Variants in SLC30A8 observed in about 807,000 individuals in gnomAD.
SLC30A8 encodes solute carrier family 30 member 8.
SLC30A8 carries 27 observed loss-of-function variants against 36.9 expected under a neutral mutation model. The observed-to-expected ratio is 0.73, with a 90% CI of 0.54 to 1.01. SLC30A8 has a LOEUF of 1.01. SLC30A8 is among the 50% of genes least tolerant of loss of function. The pLI is 0.00. For missense variants in SLC30A8, 439 were observed against 452.0 expected, an observed-to-expected ratio of 0.97 and a Z score of 0.26; for synonymous variants, 164 against 172.4, an observed-to-expected ratio of 0.95 and a Z score of 0.38.
At chr8:117,154,001 A>G (rs1822337411) in intron 3 of SLC30A8, among the ~76,000 whole-genome samples, 1 of 152,218 alleles carries the variant, frequency 6.6e-6, no homozygotes, top group South Asian at 2.1e-4. Context: ...TAAAACAGAC[A>G]TAAATAACTT....
chr8:117,125,150 A>G (rs983367798), intron 2 of SLC30A8, among the ~76,000 whole-genome samples: 3 of 152,018 alleles, frequency 2.0e-5, no homozygotes, highest in African/African-American at 7.2e-5. Flanking sequence ...AGGTAGTTTA[A>G]TCAGAATATA....
At chr8:116,991,246 C>CT (rs992558056) in intron 1 of SLC30A8, among the ~76,000 whole-genome samples, 7 of 152,050 alleles carry the variant, frequency 4.6e-5, no homozygotes, top group Admixed American at 2.6e-4. Context: ...AGAATCTTTT[C>CT]TTTTTTGATG....
At chr8:117,141,883 G>A (rs1821669470) in intron 1 of SLC30A8, among the ~76,000 whole-genome samples, 2 of 152,118 alleles carry the variant, frequency 1.3e-5, no homozygotes, top group South Asian at 4.1e-4. Flanking sequence ...ACTTTGAAGT[G>A]GTTTATATGA....
chr8:117,100,224 G>A (rs1363300361), intron 2 of SLC30A8, among the ~76,000 whole-genome samples: 3 of 152,050 alleles, frequency 2.0e-5, no homozygotes, highest in Non-Finnish European at 4.4e-5. Context: ...AAAAATTTTA[G>A]TGGATGGGTA....
chr8:117,006,625 G>A (rs1396832669), intron 1 of SLC30A8, among the ~76,000 whole-genome samples: 4 of 152,020 alleles, frequency 2.6e-5, no homozygotes, highest in Admixed American at 2.6e-4. Flanking sequence ...TGGAAAAAGT[G>A]GGGGCAGAAC....
intron 1 of SLC30A8, among the ~76,000 whole-genome samples, chr8:116,996,985 T>A (rs1392922282): frequency 6.6e-6 from 1 of 152,152 alleles, no homozygotes; most frequent in Non-Finnish European, 1.5e-5. Context: ...TTCTTTTTTT[T>A]TTTTTTGAGA....
intron 2 of SLC30A8, among the ~76,000 whole-genome samples, chr8:117,055,294 C>T (rs1817836333): frequency 6.6e-6 from 1 of 152,122 alleles, no homozygotes; most frequent in African/African-American, 2.4e-5. Context: ...TGGCATGAGC[C>T]CAAAGGTTCT....
At chr8:117,064,336 T>C (rs1818105664) in intron 2 of SLC30A8, among the ~76,000 whole-genome samples, 1 of 152,214 alleles carries the variant, frequency 6.6e-6, no homozygotes, top group South Asian at 2.1e-4. Flanking sequence ...GAAGACTCAA[T>C]CTCTATAAGG....
In SLC30A8 at chr8:117,074,665, A is replaced by T. The variant is rs182850856; in HGVS notation, c.-226+35407A>T. 1.3e-4 allele frequency among the ~76,000 whole-genome samples: 20 copies of T among 152,312 alleles called. No individual in the cohort carries two copies. The East Asian group carries it at 3.9e-3, about 29-fold the overall frequency. On this transcript the variant is annotated intron_variant, in intron 2 of 10. Transcript: ENST00000427715. ...TCTCCTTAAATGTAATTAAAGGCAC[A>T]TCAGTTCAGTATGTCTTAAGTGATA... is the stretch of plus-strand genomic sequence containing the variant.
At chr8:117,148,375 C>A (rs1822001523) in intron 2 of SLC30A8, among the ~76,000 whole-genome samples, 1 of 151,948 alleles carries the variant, frequency 6.6e-6, no homozygotes, top group African/African-American at 2.4e-5. Flanking sequence ...AATCACTTAT[C>A]AAAACTTTAT....
intron 1 of SLC30A8, among the ~76,000 whole-genome samples, chr8:117,006,805 C>T (rs190233066): frequency 6.3e-4 from 63 of 100,066 alleles, no homozygotes; most frequent in Admixed American, 8.8e-4. Flanking sequence ...TTTTTTGAGA[C>T]GGAATCTGGC....
intron 1 of SLC30A8, among the ~76,000 whole-genome samples, chr8:117,021,505 G>A (rs1033239707): frequency 6.6e-6 from 1 of 152,158 alleles, no homozygotes; most frequent in Non-Finnish European, 1.5e-5. Flanking sequence ...ACCTAAATAT[G>A]TAGAGGAAAA....
At chr8:117,073,258 CT>C (rs35458253) in intron 2 of SLC30A8, among the ~76,000 whole-genome samples, 16,746 of 140,064 alleles carry the variant, frequency 0.12, 711 homozygotes, top group East Asian at 0.15. Flanking sequence ...ATTTCTTTCA[CT>C]TTTTTTTTTT....
At chr8:116,957,342 T>C (rs566912134) in intron 1 of SLC30A8, among the ~76,000 whole-genome samples, 14 of 152,266 alleles carry the variant, frequency 9.2e-5, no homozygotes, top group African/African-American at 3.1e-4. Context: ...AGTGGCGCCA[T>C]CTCCTGCAAC....
intron 2 of SLC30A8, among the ~76,000 whole-genome samples, chr8:117,117,922 GATTACCTCTATCAGA>G (rs1431015342): frequency 6.6e-6 from 1 of 151,854 alleles, no homozygotes; most frequent in Admixed American, 6.6e-5. Flanking sequence ...TCCAAGTTTT[GATTACCTCTATCAGA>G]AATAGTGTTC....
intron 1 of SLC30A8, among the ~76,000 whole-genome samples, chr8:117,005,251 C>A (rs1450678320): frequency 6.6e-6 from 1 of 151,940 alleles, no homozygotes; most frequent in Non-Finnish European, 1.5e-5. Flanking sequence ...TTATTCTGGT[C>A]TGTGTAGATT....
chr8:117,042,560 T>A (rs542017167), intron 2 of SLC30A8, among the ~76,000 whole-genome samples: 1 of 152,316 alleles, frequency 6.6e-6, no homozygotes, highest in South Asian at 2.1e-4. Flanking sequence ...AAGCCGGTGC[T>A]GTTTTATTCC....
At chr8:116,975,842 A>G (rs536583749) in intron 1 of SLC30A8, among the ~76,000 whole-genome samples, 33 of 152,338 alleles carry the variant, frequency 2.2e-4, no homozygotes, top group Admixed American at 8.5e-4. Flanking sequence ...ATAGCAGGAG[A>G]TAGACTTATT....
At chr8:117,014,458 A>G (rs1816445122) in intron 1 of SLC30A8, among the ~76,000 whole-genome samples, 1 of 152,152 alleles carries the variant, frequency 6.6e-6, no homozygotes, top group Non-Finnish European at 1.5e-5. Flanking sequence ...TATTCCTTCA[A>G]TTGCCATGAG....
Sources: gnomAD v4.1 joint callset for allele counts (sites outside exome capture counted in the v4.1 genomes callset) on GRCh38, gnomAD v4.1.1 for gene constraint, MANE v1.5 for transcripts, NCBI Gene and HGNC (gene_info 2026-07-23, HGNC 2026-07-21) for gene names.